The following CFAP20DC variants were observed in gnomAD, a reference collection of about 807,000 sequenced individuals.
The protein encoded by CFAP20DC is protein CFAP20DC.
In CFAP20DC, 84 loss-of-function variants were observed where a neutral mutation model predicts 101.7. The observed-to-expected ratio is 0.83, with a 90% CI of 0.69 to 0.99. The LOEUF (loss-of-function observed/expected upper bound fraction) is 0.99, where lower values mean the gene tolerates loss of function less well. CFAP20DC is among the 50% of genes least tolerant of loss of function. The probability of loss-of-function intolerance (pLI) is 0.00; values close to 1 mark genes in which losing one functional copy is unlikely to be tolerated. For missense variants in CFAP20DC, 1,007 were observed against 970.3 expected (o/e 1.04, Z -0.50); for synonymous variants, 359 against 351.2 (o/e 1.02, Z -0.25).
At chr3:58,970,608 C>A (rs2091894830) in intron 4 of CFAP20DC, 1 of 152,110 alleles carries the variant, frequency 6.6e-6, no homozygotes, top group Non-Finnish European at 1.5e-5. Context: ...TTTGTGGTGA[C>A]TTGTTATGGC....
At chr3:58,890,690 G>C (rs865873217) in intron 6 of CFAP20DC, among the ~76,000 whole-genome samples, 21 of 146,834 alleles carry the variant, frequency 1.4e-4, no homozygotes, top group Admixed American at 8.1e-4. Context: ...CAGGCAGAGG[G>C]TCTCCTCACT....
chr3:58,876,299 T>C (rs1369129377), intron 7 of CFAP20DC, among the ~76,000 whole-genome samples: 1 of 152,002 alleles, frequency 6.6e-6, no homozygotes, highest in Non-Finnish European at 1.5e-5. Flanking sequence ...CATAATCGGG[T>C]CCTAATTAAC....
At chr3:58,984,301 G>A (rs1393810729) in intron 4 of CFAP20DC, among the ~76,000 whole-genome samples, 1 of 152,158 alleles carries the variant, frequency 6.6e-6, no homozygotes, top group African/African-American at 2.4e-5. Context: ...GAATATCCCT[G>A]AGTGGTCACT....
At chr3:58,976,973 T>C (rs1364683904) in intron 4 of CFAP20DC, among the ~76,000 whole-genome samples, 1 of 152,228 alleles carries the variant, frequency 6.6e-6, no homozygotes, top group African/African-American at 2.4e-5. Context: ...CTTTAACTGA[T>C]GTTTCTTAAA....
At chr3:58,960,029 T>C (rs2090996606) in intron 4 of CFAP20DC, among the ~76,000 whole-genome samples, 2 of 152,226 alleles carry the variant, frequency 1.3e-5, no homozygotes, top group Non-Finnish European at 2.9e-5. Flanking sequence ...AATTTTTCCA[T>C]GTCAACCAAA....
At chr3:58,730,515 A>G (rs555526917) in intron 3 of CFAP20DC, among the ~76,000 whole-genome samples, 3 of 152,318 alleles carry the variant, frequency 2.0e-5, no homozygotes, top group Admixed American at 2.0e-4. Context: ...AAGGCATCGC[A>G]TTCTGAATAT....
At chr3:59,027,845 T>A (rs1361284192) in intron 4 of CFAP20DC, among the ~76,000 whole-genome samples, 1 of 152,196 alleles carries the variant, frequency 6.6e-6, no homozygotes, top group Non-Finnish European at 1.5e-5. Flanking sequence ...AATGCCTTGA[T>A]GATGCAGTTT....
rs907647888 is a variant in CFAP20DC at position 58,933,284 on chromosome 3, G to A, written c.393+4364C>T. Reference sequence around the variant, plus strand: ...CAGATTCATAAAGCAAGTCCTGAGTGACCTACAAAGAGACTTAGACTCCCA... The same window carrying A: ...CAGATTCATAAAGCAAGTCCTGAGTAACCTACAAAGAGACTTAGACTCCCA... On this transcript the variant is annotated intron_variant, in intron 5 of 16. Coordinates refer to ENST00000482387, the MANE Select transcript of CFAP20DC (RefSeq NM_001394063.1). Among the ~76,000 whole-genome samples the A allele has an allele frequency of 4.6e-5, 7 of 151,706 alleles. No individual in the cohort carries two copies. In the East Asian group the frequency reaches 7.7e-4, roughly 17 times the overall value.
At position 58,905,647 on chromosome 3, in the gene CFAP20DC, A is replaced by G. The variant is rs565446571; in HGVS notation, c.550+8061T>C. ...TGAGTTTAAGAAGTTCTAGACTGAA[A>G]TGATAGCAGTTTAAGTAATCCAAGG... On this transcript the variant is annotated intron_variant, in intron 6 of 16. Coordinates refer to ENST00000482387, the MANE Select transcript of CFAP20DC (RefSeq NM_001394063.1). Among the ~76,000 whole-genome samples the G allele has an allele frequency of 3.1e-4, 47 of 152,338 alleles. 2 individuals carry two copies. The South Asian group carries it at 9.5e-3, about 31-fold the overall frequency.
chr3:59,038,153 C>G lies in CFAP20DC; in HGVS notation c.278+1404G>C, dbSNP rs142699961. Among the ~76,000 whole-genome samples, 1,179 of 152,168 alleles carry G rather than the reference C, an allele frequency of 7.7e-3. 19 individuals are homozygous for G. Among genetic ancestry groups the G allele is most frequent in the African/African-American group, 0.027 (1,130 of 41,516 alleles). On this transcript the variant is annotated intron_variant, in intron 4 of 16. Transcript: ENST00000482387. ...GGCTGGGGGGCTAGGGGAGGGATAG[C>G]ATTAGGAGAAATGCCAATAATAATG...
At chr3:58,821,597 A>G (rs1434781240) in intron 14 of CFAP20DC, among the ~76,000 whole-genome samples, 1 of 149,720 alleles carries the variant, frequency 6.7e-6, no homozygotes, top group Non-Finnish European at 1.5e-5. Context: ...ACTATGAGAT[A>G]CCATCTCACA....
intron 7 of CFAP20DC, among the ~76,000 whole-genome samples, chr3:58,871,060 A>G (rs1396932406): frequency 2.6e-5 from 4 of 152,186 alleles, no homozygotes; most frequent in Non-Finnish European, 5.9e-5. Flanking sequence ...CGTCAGTGAC[A>G]CAAAATGGAG....
chr3:58,849,239 C>A lies in CFAP20DC; in HGVS notation c.1764G>T (p.Glu588Asp). ...TTTCAAAGTTATTTCTATCTATTTG[C>A]TCCATCGAGGAATCCTGGCTTTCTG... ...GATESQDSSM[E>D]QIDRNNFEMS... is the part of the protein sequence containing the mutation. The change falls in exon 13 of 17, where the codon GAG (glutamate) becomes GAT (aspartate). Residue 588 changes from glutamate to aspartate, a missense_variant. By Grantham distance (45) the Glu-to-Asp change is conservative (BLOSUM62 2). Coordinates refer to ENST00000482387, the MANE Select transcript of CFAP20DC (RefSeq NM_001394063.1). 8 of 1,536,068 alleles carry A rather than the reference C, an allele frequency of 5.2e-6. No individual in the cohort carries two copies. Among genetic ancestry groups the A allele is most frequent in the Non-Finnish European group, 7.0e-6 (8 of 1,146,894 alleles).
At chr3:58,958,385 T>C (rs1213281140) in intron 4 of CFAP20DC, among the ~76,000 whole-genome samples, 1 of 152,232 alleles carries the variant, frequency 6.6e-6, no homozygotes, top group Non-Finnish European at 1.5e-5. Flanking sequence ...AATAGTATTC[T>C]ACTATATGGA....
chr3:58,943,421 CAGGGAAAG>C (rs1348705043), intron 4 of CFAP20DC, among the ~76,000 whole-genome samples: 1 of 152,118 alleles, frequency 6.6e-6, no homozygotes, highest in Non-Finnish European at 1.5e-5. Flanking sequence ...TGGTGATACC[CAGGGAAAG>C]AGGGTCTGGA....
intron 13 of CFAP20DC, among the ~76,000 whole-genome samples, chr3:58,837,144 G>A (rs1187241305): frequency 6.6e-6 from 1 of 152,116 alleles, no homozygotes; most frequent in Non-Finnish European, 1.5e-5. Context: ...AAGCATCAAG[G>A]ATAAGAATGC....
rs112827949 is a variant in CFAP20DC at position 58,799,733 on chromosome 3, C to CTGTGTG, written c.2237+6656_2237+6661dup. On this transcript the variant is annotated intron_variant, in intron 15 of 16. Transcript: ENST00000482387. This position sits in a 1 kb window ranked among gnomAD's most constrained non-coding sequence, Gnocchi z 4.9. Reference sequence around the variant, plus strand: ...AGTGTGTGTGTGTCTGTGTGTGTGTCTGTGTGTGTGTGTGTGTGTGTGTGT... The same window carrying CTGTGTG: ...AGTGTGTGTGTGTCTGTGTGTGTGTCTGTGTGTGTGTGTGTGTGTGTGTGTGTGTGT... Among the ~76,000 whole-genome samples the CTGTGTG allele has an allele frequency of 5.5e-3, 781 of 142,972 alleles. 6 individuals are homozygous for CTGTGTG. The highest frequency in any genetic ancestry group is 0.018 in the Middle Eastern group (5 of 276). 93.8% of individuals were successfully genotyped at this position (142,972 alleles called of 152,430 possible). A position where few individuals can be genotyped will look rare whatever the true frequency, so the allele number is the denominator to read the frequency against.
intron 1 of CFAP20DC, 128 bp downstream of exon 1, chr3:59,049,483 T>G: frequency 1.1e-6 from 1 of 899,708 alleles, no homozygotes; most frequent in Non-Finnish European, 1.8e-6. Flanking sequence ...CACCCATTAA[T>G]TCTGTCTTAC....
intron 6 of CFAP20DC, 93 bp from the exon 7 acceptor site, chr3:58,884,802 T>G (rs1164615072): frequency 9.5e-7 from 1 of 1,056,554 alleles, no homozygotes; most frequent in Non-Finnish European, 1.4e-6. Context: ...AATTAAAGAT[T>G]TTAGCGTATG....
Sources: allele counts gnomAD v4.1 joint callset (sites outside exome capture counted in the v4.1 genomes callset), GRCh38; gene constraint gnomAD v4.1.1; non-coding constraint Gnocchi (gnomAD v3.1); transcripts MANE v1.5; gene names NCBI Gene and HGNC (gene_info 2026-07-23, HGNC 2026-07-21).